Variants in CEP128 observed in about 807,000 individuals in gnomAD.
CEP128 encodes centrosomal protein 128.
Under a neutral mutation model 156.7 loss-of-function variants are expected in CEP128, and 132 were observed. The ratio of observed to expected loss-of-function variants is 0.84; its 90% CI spans 0.73 to 0.97. CEP128 has a LOEUF of 0.97. Ranked by LOEUF, CEP128 falls within the 50% of genes least tolerant of loss-of-function variation. CEP128 has a pLI of 0.00. For synonymous variants in CEP128, 469 were observed against 448.9 expected (o/e 1.04, Z -0.57); for missense variants, 1,252 against 1,281.9 (o/e 0.98, Z 0.36).
intron 21 of CEP128, among the ~76,000 whole-genome samples, chr14:80,555,792 T>C (rs1255713657): frequency 6.6e-6 from 1 of 152,132 alleles, no homozygotes; most frequent in African/African-American, 2.4e-5. Flanking sequence ...ATTTTCACAA[T>C]GAACCCAGAT....
intron 13 of CEP128, among the ~76,000 whole-genome samples, chr14:80,821,847 C>T (rs34232168): frequency 0.098 from 14,905 of 151,848 alleles, 1,247 homozygotes; most frequent in East Asian, 0.43. Flanking sequence ...CCTGAGACTG[C>T]GCAATTTACA....
chr14:80,534,933 A>G (rs1889416939), intron 21 of CEP128, among the ~76,000 whole-genome samples: 1 of 152,092 alleles, frequency 6.6e-6, no homozygotes, highest in African/African-American at 2.4e-5. Flanking sequence ...AATAAATCAG[A>G]TGCTTACAAA....
chr14:80,787,941 A>G (rs537416925), intron 14 of CEP128, among the ~76,000 whole-genome samples: 9 of 152,204 alleles, frequency 5.9e-5, no homozygotes, highest in South Asian at 2.1e-4. Context: ...CTGCTACTCT[A>G]TAACTCTCCA....
At chr14:80,629,797 T>A (rs1471315958) in intron 19 of CEP128, among the ~76,000 whole-genome samples, 1 of 152,004 alleles carries the variant, frequency 6.6e-6, no homozygotes, top group African/African-American at 2.4e-5. Context: ...TCTGTAACTT[T>A]TGAGTCACAT....
chr14:80,957,524 G>A (rs1429549518), intron 2 of CEP128, among the ~76,000 whole-genome samples: 2 of 152,036 alleles, frequency 1.3e-5, no homozygotes, highest in African/African-American at 4.8e-5. Context: ...GTCTCTGAAT[G>A]TCCACTCTAT....
chr14:80,663,555 A>T (rs1181724786), intron 19 of CEP128, among the ~76,000 whole-genome samples: 4 of 152,206 alleles, frequency 2.6e-5, no homozygotes, highest in Admixed American at 1.3e-4. Context: ...AACCACAATG[A>T]TATCAATCAC....
At chr14:80,523,470 T>G (rs1276277777) in intron 23 of CEP128, among the ~76,000 whole-genome samples, 2 of 152,190 alleles carry the variant, frequency 1.3e-5, no homozygotes, top group African/African-American at 4.8e-5. Context: ...TTTAAATTCC[T>G]AAGGGTTGGT....
intron 21 of CEP128, among the ~76,000 whole-genome samples, chr14:80,546,262 G>A (rs1288770816): frequency 6.6e-6 from 1 of 152,182 alleles, no homozygotes; most frequent in Non-Finnish European, 1.5e-5. Context: ...TGTGACACAT[G>A]CAGGATAAGA....
chr14:80,809,404 C>G (rs1884374558), intron 13 of CEP128, among the ~76,000 whole-genome samples: 1 of 151,976 alleles, frequency 6.6e-6, no homozygotes, highest in Non-Finnish European at 1.5e-5. Context: ...TATCAGTACA[C>G]CTAAGGTGAG....
intron 8 of CEP128, among the ~76,000 whole-genome samples, chr14:80,883,341 A>G (rs529175398): frequency 1.1e-3 from 171 of 152,284 alleles, no homozygotes; most frequent in African/African-American, 3.9e-3. Context: ...ATCTATTTGA[A>G]AAAAACCTAA....
In CEP128 at chr14:80,761,714, A is replaced by G. The variant is rs546638217; in HGVS notation, c.2377-101T>C. 4 of 774,970 alleles carry G rather than the reference A, an allele frequency of 5.2e-6. No homozygotes were observed. The East Asian group carries it at 1.0e-4, about 20-fold the overall frequency. 48.0% of individuals were successfully genotyped at this position (774,970 alleles called of 1,614,324 possible). ...ACCAACTAGAAGTGGATTTGAAAAG[A>G]AATCTGATTCCATCAGTCCCCTTAC... On this transcript the variant is annotated intron_variant, in intron 16 of 24. Coordinates refer to ENST00000555265, the MANE Select transcript of CEP128 (RefSeq NM_152446.5).
intron 19 of CEP128, among the ~76,000 whole-genome samples, chr14:80,585,670 G>A (rs747765949): frequency 6.6e-6 from 1 of 152,162 alleles, no homozygotes; most frequent in Non-Finnish European, 1.5e-5. Context: ...GTTACTGATT[G>A]CAGTTTAGAG....
chr14:80,671,235 CTAAA>C (rs963940987), intron 19 of CEP128, among the ~76,000 whole-genome samples: 1 of 152,120 alleles, frequency 6.6e-6, no homozygotes, highest in Non-Finnish European at 1.5e-5. Flanking sequence ...AACATTTCCA[CTAAA>C]TAAATAAAAG....
Position 80,717,622 on chromosome 14 carries a change from A to C in CEP128, c.2806+25453T>G, listed in dbSNP as rs115083024. ...TTGTTAAGGTGCAAAGGTTAAAAAA[A>C]AACTTGAGATATTTAGAGTACACAC... On this transcript the variant is annotated intron_variant, in intron 19 of 24. Coordinates refer to ENST00000555265, the MANE Select transcript of CEP128 (RefSeq NM_152446.5). Among the ~76,000 whole-genome samples, 590 of 152,314 alleles carry C rather than the reference A, an allele frequency of 3.9e-3. 3 individuals carry two copies. Among genetic ancestry groups the C allele is most frequent in the African/African-American group, 0.014 (565 of 41,576 alleles).
chr14:80,486,427 C>T (rs1033104728), downstream of CEP128, among the ~76,000 whole-genome samples: 1 of 151,932 alleles, frequency 6.6e-6, no homozygotes, highest in African/African-American at 2.4e-5. Flanking sequence ...AGAATGGAAC[C>T]AAGTTGGAAA....
At chr14:80,658,322 T>G (rs10498547) in intron 19 of CEP128, among the ~76,000 whole-genome samples, 89,315 of 151,484 alleles carry the variant, frequency 0.59, 27,159 homozygotes, top group Non-Finnish European at 0.66. Flanking sequence ...GCTGTTGTTT[T>G]CAGGCTTTAC....
chr14:80,603,884 C>T (rs1002786113), intron 19 of CEP128, among the ~76,000 whole-genome samples: 56 of 152,168 alleles, frequency 3.7e-4, no homozygotes, highest in African/African-American at 1.3e-3. Context: ...ATTGCTTCTC[C>T]CTCCCCATAC....
chr14:80,631,095 T>C (rs1893941433), intron 19 of CEP128, among the ~76,000 whole-genome samples: 1 of 151,986 alleles, frequency 6.6e-6, no homozygotes, highest in Admixed American at 6.6e-5. Context: ...ATCATATATA[T>C]GCAAAGACTG....
At chr14:80,655,552 G>C (rs1393829559) in intron 19 of CEP128, among the ~76,000 whole-genome samples, 1 of 152,100 alleles carries the variant, frequency 6.6e-6, no homozygotes, top group African/African-American at 2.4e-5. Flanking sequence ...GATCCAGTGG[G>C]TGAGTATATG....
Sources: gnomAD v4.1 joint callset for allele counts (sites outside exome capture counted in the v4.1 genomes callset) on GRCh38, gnomAD v4.1.1 for gene constraint, MANE v1.5 for transcripts, NCBI Gene and HGNC (gene_info 2026-07-23, HGNC 2026-07-21) for gene names.